PIAS3: variants seen among roughly 807,000 people sequenced by gnomAD.
PIAS3 encodes E3 SUMO-protein ligase PIAS3.
PIAS3 carries 34 observed loss-of-function variants against 67.6 expected under a neutral mutation model. The ratio of observed to expected loss-of-function variants is 0.50; its 90% CI spans 0.38 to 0.67. The LOEUF is 0.67. PIAS3 is among the 30% of genes least tolerant of loss of function. PIAS3 has a pLI of 0.00. For missense variants in PIAS3, 693 were observed against 791.6 expected (o/e 0.88, Z 1.49); for synonymous variants, 341 against 313.8 (o/e 1.09, Z -0.92).
At position 145,850,524 on chromosome 1, in the gene PIAS3, C is replaced by A. The variant is rs200873267; in HGVS notation, c.1511G>T (p.Gly504Val). ...VLRSPAMGTL[G>V]GDFLSSLPLH... ...TGGGAGACTGGACAGGAAATCCCCA[C>A]CCAACGTGCCCATAGCAGGGCTCCT... Residue 504 changes from glycine (G) to valine (V), a missense_variant, in exon 12 of 14, where the codon GGT (glycine) becomes GTT (valine). Physicochemically the swap from Gly to Val is moderately radical, Grantham distance 109. Around this residue, in one of 3 missense-constraint regions of PIAS3, gnomAD observed 270 missense variants for 261.0 expected, o/e 1.03. Transcript: ENST00000393045. 2 of 1,614,066 alleles carry A rather than the reference C, an allele frequency of 1.2e-6. No individual in the cohort carries two copies. The highest frequency in any genetic ancestry group is 1.3e-5 in the African/African-American group (1 of 74,916).
chr1:145,854,950 T>C, intron 5 of PIAS3, 70 bp from the exon 6 acceptor site: 1 of 1,570,688 alleles, frequency 6.4e-7, no homozygotes, highest in Admixed American at 1.7e-5. Flanking sequence ...GAACAAAAGA[T>C]ATCTTGTCTC....
intron 9 of PIAS3, chr1:145,851,501 C>A: frequency 4.1e-6 from 1 of 241,500 alleles, no homozygotes; most frequent in Admixed American, 5.0e-5. Flanking sequence ...ACTAAAAATA[C>A]AAAAATTAGC....
At position 145,849,445 on chromosome 1, in the gene PIAS3, C is replaced by T. The variant is rs1652863428; in HGVS notation, c.*1G>A. On this transcript the variant is annotated 3_prime_UTR_variant, in exon 14 of 14. Transcript: ENST00000393045. The stretch of plus-strand genomic sequence containing the variant: ...AGCGAAGTTTCCATAATCCAGGGAA[C>T]TCAGTCCAGGGAAATGATGTCTGAC... 1 of 1,489,442 alleles carries T rather than the reference C, an allele frequency of 6.7e-7. No individual in the cohort carries two copies. Among genetic ancestry groups the T allele is most frequent in the Non-Finnish European group, 8.9e-7 (1 of 1,124,114 alleles). The allele number at this position is 1,489,442 out of a possible 1,614,324, so 92.3% of individuals were successfully genotyped here.
chr1:145,850,148 G>T, intron 13 of PIAS3, 84 bp downstream of exon 13: 7 of 1,604,940 alleles, frequency 4.4e-6, no homozygotes, highest in Non-Finnish European at 5.9e-6. Context: ...CATCCCCAGA[G>T]ATCATAAGAG....
chr1:145,850,496 T>C lies in PIAS3; in HGVS notation c.1539A>G (p.Leu513=). ...GTGGGAAGGCAGGTGGGTACTCATGTAGTGGGAGACTGGACAGGAAATCCC... is the reference window on the plus strand; with the variant it reads ...GTGGGAAGGCAGGTGGGTACTCATGCAGTGGGAGACTGGACAGGAAATCCC... ...LGGDFLSSLP[L]HEYPPAFPLG... The change falls in exon 12 of 14, where the codon CTA becomes CTG. Residue 513 remains leucine (L), a synonymous_variant. Transcript: ENST00000393045. 1.9e-6 allele frequency: 3 copies of C among 1,614,206 alleles called. No individual in the cohort carries two copies. Among genetic ancestry groups the C allele is most frequent in the East Asian group, 4.5e-5 (2 of 44,864 alleles).
rs368394034 is a variant in PIAS3 at position 145,853,682 on chromosome 1, C to A, written c.985-18G>T. The A allele has an allele frequency of 6.2e-7, 1 of 1,613,088 alleles. No homozygotes were observed. The highest frequency in any genetic ancestry group is 8.5e-7 in the Non-Finnish European group (1 of 1,179,400). Reference sequence around the variant, plus strand: ...TTCCCTAGCTGAGGAGAAGCAAGTTCTCTTGTCAGAGGCCCTACTCTGATT... The same window carrying A: ...TTCCCTAGCTGAGGAGAAGCAAGTTATCTTGTCAGAGGCCCTACTCTGATT... On this transcript the variant is annotated intron_variant, in intron 8 of 13. Transcript: ENST00000393045.
At chr1:145,851,197 G>A in intron 9 of PIAS3, 44 bp from the exon 10 acceptor site, 1 of 1,603,010 alleles carries the variant, frequency 6.2e-7, no homozygotes, top group Non-Finnish European at 8.5e-7. Context: ...TGGGAGATGA[G>A]CAGAACAGTA....
chr1:145,848,643 C>T lies in PIAS3; in HGVS notation c.*803G>A. 1 of 608,048 alleles carries T rather than the reference C, an allele frequency of 1.6e-6. No homozygotes were observed. Among genetic ancestry groups the T allele is most frequent in the Admixed American group, 3.0e-5 (1 of 32,964 alleles). The allele number at this position is 608,048 out of a possible 1,614,324, so 37.7% of individuals were successfully genotyped here. On this transcript the variant is annotated 3_prime_UTR_variant, in exon 14 of 14. Coordinates refer to ENST00000393045, the MANE Select transcript of PIAS3 (RefSeq NM_006099.3). ...AAAAAGAAGATTGGGAAGGAGGGCACAGGGTCCTTCCACCTCCCTGGAAAG... is the reference window on the plus strand; with the variant it reads ...AAAAAGAAGATTGGGAAGGAGGGCATAGGGTCCTTCCACCTCCCTGGAAAG...
chr1:145,856,158 C>G (rs781788298), intron 3 of PIAS3, 40 bp from the exon 4 acceptor site: 19 of 1,562,528 alleles, frequency 1.2e-5, no homozygotes, highest in Non-Finnish European at 1.7e-5. Context: ...CAGCATGTAG[C>G]CCCCAGAGGG....
intron 9 of PIAS3, among the ~76,000 whole-genome samples, chr1:145,852,996 T>C (rs1421403432): frequency 2.0e-5 from 3 of 149,776 alleles, no homozygotes; most frequent in Non-Finnish European, 4.5e-5. Flanking sequence ...CACATGCACA[T>C]ACACACACAC....
intron 1 of PIAS3, chr1:145,857,321 G>A (rs1553735836): frequency 4.9e-6 from 2 of 404,774 alleles, no homozygotes; most frequent in South Asian, 5.8e-5. Context: ...ACACCTCCGA[G>A]TCCATGCAGC....
At position 145,851,320 on chromosome 1, in the gene PIAS3, A is replaced by T. The variant is rs587645911; in HGVS notation, c.1146-167T>A. The T allele has an allele frequency of 5.4e-5, 38 of 706,424 alleles. 2 individuals carry two copies. The Middle Eastern group carries it at 2.9e-3, about 54-fold the overall frequency. 43.8% of individuals were successfully genotyped at this position (706,424 alleles called of 1,614,324 possible). A position where few individuals can be genotyped will look rare whatever the true frequency, so the allele number is the denominator to read the frequency against. Reference sequence around the variant, plus strand: ...TTGTTGGAATCAAATAACACAAGGTATGTAAAAGAGCTTTGCAAAGTAAGT... The same window carrying T: ...TTGTTGGAATCAAATAACACAAGGTTTGTAAAAGAGCTTTGCAAAGTAAGT... On this transcript the variant is annotated intron_variant, in intron 9 of 13. Transcript: ENST00000393045.
At chr1:145,858,346 TGCCTCTGCCTC>T (rs1653276645) in intron 1 of PIAS3, among the ~76,000 whole-genome samples, 1 of 152,104 alleles carries the variant, frequency 6.6e-6, no homozygotes, top group South Asian at 2.1e-4. Flanking sequence ...TAGTTTCACA[TGCCTCTGCCTC>T]TTCCCAAACA....
chr1:145,853,342 G>A (rs1343523925), intron 9 of PIAS3, among the ~76,000 whole-genome samples, 162 bp downstream of exon 9: 5 of 151,628 alleles, frequency 3.3e-5, no homozygotes, highest in African/African-American at 1.2e-4. Context: ...CCCGGGAGGT[G>A]GAGGTTGCAG....
chr1:145,855,643 G>A (rs1653141468), intron 5 of PIAS3, 93 bp downstream of exon 5: 6 of 747,360 alleles, frequency 8.0e-6, no homozygotes, highest in African/African-American at 5.3e-5. Flanking sequence ...CACGCACTGT[G>A]CTAGGCATGT....
Position 145,849,483 on chromosome 1 carries a change from A to G in PIAS3, c.1850T>C (p.Leu617Ser). The G allele has an allele frequency of 6.6e-7, 1 of 1,521,212 alleles. No individual in the cohort carries two copies. The highest frequency in any genetic ancestry group is 8.8e-7 in the Non-Finnish European group (1 of 1,139,186). The allele number at this position is 1,521,212 out of a possible 1,614,324, so 94.2% of individuals were successfully genotyped here. A position where few individuals can be genotyped will look rare whatever the true frequency, so the allele number is the denominator to read the frequency against. Residue 617 changes from leucine to serine, a missense_variant, in exon 14 of 14, where the codon TTG becomes TCG. Leu to Ser is a moderately radical substitution (Grantham distance 145, BLOSUM62 -2). This residue lies in a region of PIAS3 where 270 missense variants were observed against 261.0 expected (regional missense o/e 1.03). Coordinates refer to ENST00000393045, the MANE Select transcript of PIAS3 (RefSeq NM_006099.3). ...AATGATGTCTGACCGACAGCCAGTCAAAGAGGGACCTGAGGGCAGGGGTCC... is the reference window on the plus strand; with the variant it reads ...AATGATGTCTGACCGACAGCCAGTCGAAGAGGGACCTGAGGGCAGGGGTCC... ...HGGPLPSGPS[L>S]TGCRSDIISL...
chr1:145,849,942 T>C (rs1652886731), intron 13 of PIAS3: 8 of 1,423,278 alleles, frequency 5.6e-6, no homozygotes, highest in Middle Eastern at 2.6e-4. Flanking sequence ...TGTGGGCGTC[T>C]GAAATGTGTG....
chr1:145,858,346 T>G (rs1361303825), intron 1 of PIAS3, among the ~76,000 whole-genome samples: 3 of 152,104 alleles, frequency 2.0e-5, no homozygotes, highest in Admixed American at 6.5e-5. Flanking sequence ...TAGTTTCACA[T>G]GCCTCTGCCT....
rs782475849 is a variant in PIAS3 at position 145,849,539 on chromosome 1, G to A, written c.1794C>T (p.Ala598=). The A allele has an allele frequency of 3.8e-6, 6 of 1,596,642 alleles. No homozygotes were observed. The highest frequency in any genetic ancestry group is 5.1e-6 in the Non-Finnish European group (6 of 1,172,384). The change falls in exon 14 of 14, where the codon GCC becomes GCT. Residue 598 remains alanine (A), a synonymous_variant. Transcript: ENST00000393045. The part of the protein sequence containing the change: ...PPPGRVSSIV[A]PGGALREGHG... ...GCCCCTCCCTCAAGGCCCCCCCAGG[G>A]GCCACAATGCTGCTGACACGGCCAG...
Sources: allele counts gnomAD v4.1 joint callset (sites outside exome capture counted in the v4.1 genomes callset), GRCh38; gene constraint gnomAD v4.1.1; regional missense constraint gnomAD v4.1.1; transcripts MANE v1.5; gene names NCBI Gene and HGNC (gene_info 2026-07-23, HGNC 2026-07-21).